DSCAM: variants seen among roughly 807,000 people sequenced by gnomAD.
DSCAM encodes the protein DS cell adhesion molecule.
DSCAM carries 47 observed loss-of-function variants against 217.7 expected under a neutral mutation model. That is an observed-to-expected ratio of 0.22 (90% CI 0.17 to 0.28). The LOEUF (loss-of-function observed/expected upper bound fraction) is 0.28, where lower values mean the gene tolerates loss of function less well. Among genes scored for constraint, DSCAM ranks in the 10% least tolerant of loss-of-function variants. DSCAM has a pLI of 1.00. For missense variants in DSCAM, 2,080 were observed against 2,618.3 expected (o/e 0.79, Z 4.49); for synonymous variants, 1,056 against 1,015.3 (o/e 1.04, Z -0.76).
chr21:40,431,563 T>C (rs1289471806), intron 3 of DSCAM, among the ~76,000 whole-genome samples: 2 of 152,226 alleles, frequency 1.3e-5, no homozygotes, highest in African/African-American at 4.8e-5. Context: ...TTTATGATGA[T>C]CCACTTCCAC....
At chr21:40,615,322 G>T (rs900097961) in intron 3 of DSCAM, 1 of 149,782 alleles carries the variant, frequency 6.7e-6, no homozygotes, top group African/African-American at 2.4e-5. Flanking sequence ...AAATTGATGG[G>T]AATATTATAT....
At chr21:40,649,709 G>T (rs764560704) in intron 3 of DSCAM, among the ~76,000 whole-genome samples, 1 of 152,164 alleles carries the variant, frequency 6.6e-6, no homozygotes, top group Non-Finnish European at 1.5e-5. Flanking sequence ...GTGCCACAGT[G>T]AGGTCACAAA....
chr21:40,489,786 A>G (rs1304287412), intron 3 of DSCAM, among the ~76,000 whole-genome samples: 1 of 150,284 alleles, frequency 6.7e-6, no homozygotes, highest in African/African-American at 2.4e-5. Context: ...AAAAAAAAAA[A>G]AAAAAAAAAA....
chr21:40,731,588 G>A (rs950680087), intron 1 of DSCAM, among the ~76,000 whole-genome samples: 12 of 152,162 alleles, frequency 7.9e-5, no homozygotes, highest in African/African-American at 2.9e-4. Flanking sequence ...TTGGTTTGTA[G>A]AAAGTGTCTT....
At chr21:40,405,832 A>C (rs1043045042) in intron 3 of DSCAM, among the ~76,000 whole-genome samples, 2 of 152,148 alleles carry the variant, frequency 1.3e-5, no homozygotes, top group African/African-American at 4.8e-5. Context: ...CCCCGTCTCT[A>C]CTAAAAATAC....
At chr21:40,639,536 T>C (rs754199517) in intron 3 of DSCAM, among the ~76,000 whole-genome samples, 4 of 152,160 alleles carry the variant, frequency 2.6e-5, no homozygotes, top group Non-Finnish European at 5.9e-5. Flanking sequence ...GAAATGTGAA[T>C]AACAAATCAG....
At chr21:40,078,210 A>G (rs1292561050) in intron 26 of DSCAM, among the ~76,000 whole-genome samples, 6 of 152,216 alleles carry the variant, frequency 3.9e-5, no homozygotes, top group Admixed American at 6.5e-5. Flanking sequence ...TATTTCCATC[A>G]GTGGCCCTGC....
rs139830162 is a variant in DSCAM at position 40,781,290 on chromosome 21, G to A, written c.43+65329C>T. Among the ~76,000 whole-genome samples the A allele has an allele frequency of 8.6e-3, 1,307 of 152,270 alleles. 9 individuals are homozygous for A. The highest frequency in any genetic ancestry group is 0.022 in the Admixed American group (334 of 15,304). On this transcript the variant is annotated intron_variant, in intron 1 of 32. Coordinates refer to ENST00000400454, the MANE Select transcript of DSCAM (RefSeq NM_001389.5). The stretch of plus-strand genomic sequence containing the variant: ...CCACCTTGGCCTCCCCAAGTGCTGG[G>A]ATTACAAGCATGAGCCACCGTGCCT...
intron 3 of DSCAM, among the ~76,000 whole-genome samples, chr21:40,572,807 C>A (rs926311626): frequency 2.0e-5 from 3 of 152,216 alleles, no homozygotes; most frequent in East Asian, 1.9e-4. Flanking sequence ...CTCACATTCA[C>A]CATGGAAGAT....
At position 40,469,044 on chromosome 21, in the gene DSCAM, G is replaced by A. The variant is rs994354653; in HGVS notation, c.509-99799C>T. On this transcript the variant is annotated intron_variant, in intron 3 of 32. Transcript: ENST00000400454. ...GCCACACACACCTTCATAAAGTTAC[G>A]GGACTTCAGGAATAAAGAGAATGGC... Among the ~76,000 whole-genome samples, 9 of 151,918 alleles carry A rather than the reference G, an allele frequency of 5.9e-5. No homozygotes were observed. In the South Asian group the frequency reaches 8.3e-4, roughly 14 times the overall value.
chr21:40,113,429 ATC>A (rs1222901403), intron 20 of DSCAM, among the ~76,000 whole-genome samples: 1 of 152,164 alleles, frequency 6.6e-6, no homozygotes, highest in Non-Finnish European at 1.5e-5. Flanking sequence ...AATAAGAACT[ATC>A]TATGACAAAC....
chr21:40,030,694 T>C (rs1226384039), intron 32 of DSCAM, among the ~76,000 whole-genome samples: 1 of 152,198 alleles, frequency 6.6e-6, no homozygotes, highest in East Asian at 1.9e-4. Context: ...TCGACCTAAA[T>C]ATTGGCATGT....
intron 32 of DSCAM, among the ~76,000 whole-genome samples, chr21:40,026,535 G>A (rs1355071012): frequency 1.4e-5 from 2 of 139,124 alleles, no homozygotes; most frequent in Admixed American, 7.5e-5. Context: ...CTCAGGACTT[G>A]CTTTATGAAT....
intron 16 of DSCAM, among the ~76,000 whole-genome samples, chr21:40,147,539 T>G (rs1166174396): frequency 7.6e-6 from 1 of 131,872 alleles, no homozygotes. Context: ...ATAAAGCTTA[T>G]TTTTTCTTAG....
chr21:40,801,907 G>A (rs1241312456), intron 1 of DSCAM, among the ~76,000 whole-genome samples: 2 of 152,238 alleles, frequency 1.3e-5, no homozygotes, highest in South Asian at 2.1e-4. Flanking sequence ...CCACCACAAA[G>A]AGTTTCCACT....
intron 3 of DSCAM, among the ~76,000 whole-genome samples, chr21:40,464,872 C>A (rs2075831962): frequency 6.6e-6 from 1 of 151,964 alleles, no homozygotes; most frequent in African/African-American, 2.4e-5. Context: ...TCCCGAGTAG[C>A]TGGGACTACA....
chr21:40,325,221 A>G (rs2074304636), intron 8 of DSCAM, among the ~76,000 whole-genome samples: 1 of 152,188 alleles, frequency 6.6e-6, no homozygotes, highest in Admixed American at 6.6e-5. Context: ...AATATATTTC[A>G]CAGAACTAAG....
chr21:40,279,716 G>T (rs2123393244), intron 10 of DSCAM, among the ~76,000 whole-genome samples: 1 of 152,240 alleles, frequency 6.6e-6, no homozygotes. Context: ...CAAAGACTTG[G>T]AACCAATCCA....
chr21:40,758,379 C>T (rs535482701), intron 1 of DSCAM, among the ~76,000 whole-genome samples: 125 of 152,028 alleles, frequency 8.2e-4, no homozygotes, highest in African/African-American at 2.9e-3. Flanking sequence ...AGACCTAAAA[C>T]TGTGGCAGGC....
Sources: allele counts gnomAD v4.1 joint callset (sites outside exome capture counted in the v4.1 genomes callset), GRCh38; gene constraint gnomAD v4.1.1; transcripts MANE v1.5; gene names NCBI Gene and HGNC (gene_info 2026-07-23, HGNC 2026-07-21).